Variants in TAFA4 observed in about 807,000 individuals in gnomAD.
TAFA4 encodes TAFA chemokine like family member 4.
A neutral mutation model predicts 21.1 loss-of-function variants in TAFA4; 20 were observed. The ratio of observed to expected loss-of-function variants is 0.95; its 90% CI spans 0.67 to 1.38. TAFA4 has a LOEUF of 1.38. Among genes scored for constraint, TAFA4 ranks in the 40% most tolerant of loss-of-function variants. The pLI, the probability that TAFA4 is intolerant of heterozygous loss-of-function variation, is 0.00. For missense variants in TAFA4, 211 were observed against 180.9 expected, an observed-to-expected ratio of 1.17 and a Z score of -0.95; for synonymous variants, 71 against 67.4, an observed-to-expected ratio of 1.05 and a Z score of -0.26.
chr3:68,783,671 C>CAGAGAGAGAGAG lies in TAFA4; in HGVS notation c.131-30654_131-30653insCTCTCTCTCTCT, dbSNP rs796524736. Reference sequence around the variant, plus strand: ...CAAAGAAAAATCACAGACACACACACACAGAGAGAGAGAGAGAGAGAGAGA... The same window carrying CAGAGAGAGAGAG: ...CAAAGAAAAATCACAGACACACACACAGAGAGAGAGAGACAGAGAGAGAGAGAGAGAGAGAGA... On this transcript the variant is annotated intron_variant, in intron 3 of 5. Coordinates refer to ENST00000295569, the MANE Select transcript of TAFA4 (RefSeq NM_182522.5). Among the ~76,000 whole-genome samples the CAGAGAGAGAGAG allele has an allele frequency of 2.6e-3, 249 of 96,156 alleles. 7 individuals carry two copies. Among genetic ancestry groups the CAGAGAGAGAGAG allele is most frequent in the South Asian group, 6.0e-3 (12 of 1,988 alleles). 63.1% of individuals were successfully genotyped at this position (96,156 alleles called of 152,430 possible).
At chr3:68,920,373 C>T (rs2090046956) in intron 1 of TAFA4, among the ~76,000 whole-genome samples, 1 of 152,154 alleles carries the variant, frequency 6.6e-6, no homozygotes, top group Non-Finnish European at 1.5e-5. Context: ...TCACATTATA[C>T]TTTTTAAATA....
chr3:68,766,425 T>C (rs1702856038), intron 3 of TAFA4, among the ~76,000 whole-genome samples: 1 of 152,144 alleles, frequency 6.6e-6, no homozygotes, highest in African/African-American at 2.4e-5. Context: ...GCTGTTAACC[T>C]TTCTGCTATG....
chr3:68,839,064 C>G lies in TAFA4; in HGVS notation c.130+41666G>C, dbSNP rs565852634. On this transcript the variant is annotated intron_variant, in intron 3 of 5. Transcript: ENST00000295569. ...AATGAGCCATGATTATGCCACTGCA[C>G]TCCAGCCTGGGAGACAGAGCGAGAC... Among the ~76,000 whole-genome samples, 12 of 152,314 alleles carry G rather than the reference C, an allele frequency of 7.9e-5. No individual in the cohort carries two copies. The South Asian group carries it at 2.5e-3, about 32-fold the overall frequency.
intron 3 of TAFA4, among the ~76,000 whole-genome samples, chr3:68,775,191 G>A (rs1416424411): frequency 2.0e-5 from 3 of 152,274 alleles, no homozygotes; most frequent in African/African-American, 4.8e-5. Context: ...TAACACAATA[G>A]GATTTGGGGG....
chr3:68,803,874 G>A (rs56158802), intron 3 of TAFA4, among the ~76,000 whole-genome samples: 23 of 136,236 alleles, frequency 1.7e-4, no homozygotes, highest in African/African-American at 6.6e-4. Context: ...GTGTGATCTC[G>A]GCTCACGGCA....
intron 1 of TAFA4, among the ~76,000 whole-genome samples, chr3:68,921,033 G>T (rs2090056520): frequency 6.6e-6 from 1 of 152,126 alleles, no homozygotes; most frequent in African/African-American, 2.4e-5. Context: ...TCGGCAGCCA[G>T]GGAGGAGAAC....
At position 68,752,757 on chromosome 3, in the gene TAFA4, A is replaced by T. The variant is rs1702579735; in HGVS notation, c.286+106T>A. 2.1e-6 allele frequency: 3 copies of T among 1,429,896 alleles called. No homozygotes were observed. The East Asian group carries it at 6.9e-5, about 33-fold the overall frequency. The allele number at this position is 1,429,896 out of a possible 1,614,324, so 88.6% of individuals were successfully genotyped here. A position where few individuals can be genotyped will look rare whatever the true frequency, so the allele number is the denominator to read the frequency against. The stretch of plus-strand genomic sequence containing the variant: ...CATTTTTGGATTGACACTGATCTCA[A>T]AGCAACCCTAGGTTTCTTTGGGTTG... On this transcript the variant is annotated intron_variant, in intron 4 of 5. Coordinates refer to ENST00000295569, the MANE Select transcript of TAFA4 (RefSeq NM_182522.5).
At chr3:68,929,598 G>T (rs898147974) in intron 1 of TAFA4, among the ~76,000 whole-genome samples, 12 of 152,202 alleles carry the variant, frequency 7.9e-5, no homozygotes, top group African/African-American at 2.9e-4. Flanking sequence ...AAAAGCAAAA[G>T]ATTAGTCCAT....
intron 3 of TAFA4, among the ~76,000 whole-genome samples, chr3:68,756,458 G>A (rs1702660825): frequency 6.6e-6 from 1 of 152,178 alleles, no homozygotes; most frequent in African/African-American, 2.4e-5. Context: ...CTTGGTTTCT[G>A]TTGGTGTATG....
chr3:68,920,256 T>C lies in TAFA4; in HGVS notation c.-123+11984A>G, dbSNP rs568912061. On this transcript the variant is annotated intron_variant, in intron 1 of 5. Coordinates refer to ENST00000295569, the MANE Select transcript of TAFA4 (RefSeq NM_182522.5). ...AAAAAATACAAACTATAGAATCAGA[T>C]GTATAAAATGACACTACTTAAGTGA... 2.0e-5 allele frequency among the ~76,000 whole-genome samples: 3 copies of C among 152,296 alleles called. No individual in the cohort carries two copies. The South Asian group carries it at 6.2e-4, about 32-fold the overall frequency.
chr3:68,916,175 T>A (rs935628515), intron 1 of TAFA4: 28 of 152,336 alleles, frequency 1.8e-4, no homozygotes, highest in Middle Eastern at 3.4e-3. Flanking sequence ...GGTTCAGAGC[T>A]CAGCAAGTGA....
intron 4 of TAFA4, among the ~76,000 whole-genome samples, chr3:68,745,306 GAGC>G (rs1465674653): frequency 3.3e-5 from 5 of 152,164 alleles, no homozygotes; most frequent in Non-Finnish European, 7.4e-5. Context: ...CCACTTTACT[GAGC>G]CTTGTCTCCA....
At position 68,732,974 on chromosome 3, in the gene TAFA4, A is replaced by G; in HGVS notation, c.*168T>C. 2.8e-6 allele frequency: 2 copies of G among 719,576 alleles called. No individual in the cohort carries two copies. Among genetic ancestry groups the G allele is most frequent in the Non-Finnish European group, 4.5e-6 (2 of 444,924 alleles). The allele number at this position is 719,576 out of a possible 1,614,324, so 44.6% of individuals were successfully genotyped here. ...TCAATGAAATAAAATCACGAAGCAG[A>G]GAGGGCTGGGCCAGTTAAGTGAATG... On this transcript the variant is annotated 3_prime_UTR_variant, in exon 6 of 6. Transcript: ENST00000295569.
In TAFA4 at chr3:68,914,872, A is replaced by G. The variant is rs372785126; in HGVS notation, c.-123+17368T>C. ...TCCCAAATGGTTGGGGGAAAAAAAG[A>G]ATAGTATTTATTGATACATGAAAGT... On this transcript the variant is annotated intron_variant, in intron 1 of 5. Coordinates refer to ENST00000295569, the MANE Select transcript of TAFA4 (RefSeq NM_182522.5). Among the ~76,000 whole-genome samples, 5 of 152,320 alleles carry G rather than the reference A, an allele frequency of 3.3e-5. 1 individual carries two copies. The highest frequency in any genetic ancestry group is 2.0e-4 in the Admixed American group (3 of 15,296).
intron 3 of TAFA4, among the ~76,000 whole-genome samples, chr3:68,842,671 T>C (rs1704691980): frequency 6.6e-6 from 1 of 152,190 alleles, no homozygotes; most frequent in Non-Finnish European, 1.5e-5. Flanking sequence ...GTTTTTACGG[T>C]TTTAGGTCTT....
At chr3:68,756,301 G>A (rs1236384478) in intron 3 of TAFA4, among the ~76,000 whole-genome samples, 2 of 152,080 alleles carry the variant, frequency 1.3e-5, no homozygotes, top group Non-Finnish European at 2.9e-5. Flanking sequence ...AAATTATTAA[G>A]GAAAGACAAC....
chr3:68,867,403 C>T (rs2089433680), intron 3 of TAFA4, among the ~76,000 whole-genome samples: 1 of 152,102 alleles, frequency 6.6e-6, no homozygotes, highest in East Asian at 1.9e-4. Flanking sequence ...TTCAGCACTA[C>T]TAGACTTGTC....
In TAFA4 at chr3:68,776,918, A is replaced by G. The variant is rs142797526; in HGVS notation, c.131-23900T>C. 9.2e-5 allele frequency among the ~76,000 whole-genome samples: 14 copies of G among 152,240 alleles called. No homozygotes were observed. The East Asian group carries it at 2.7e-3, about 29-fold the overall frequency. On this transcript the variant is annotated intron_variant, in intron 3 of 5. Transcript: ENST00000295569. Reference sequence around the variant, plus strand: ...ATCATCAAGTCAAAGAAGAAATAGCAAAACAAATTATAATATATTTTGGTG... The same window carrying G: ...ATCATCAAGTCAAAGAAGAAATAGCGAAACAAATTATAATATATTTTGGTG...
chr3:68,891,184 T>A (rs1462641135), intron 1 of TAFA4, among the ~76,000 whole-genome samples: 2 of 152,222 alleles, frequency 1.3e-5, no homozygotes, highest in Non-Finnish European at 2.9e-5. Context: ...TTACTTCGGT[T>A]GATTTCTATG....
Sources: allele counts gnomAD v4.1 joint callset (sites outside exome capture counted in the v4.1 genomes callset), GRCh38; gene constraint gnomAD v4.1.1; transcripts MANE v1.5; gene names NCBI Gene and HGNC (gene_info 2026-07-23, HGNC 2026-07-21).